DRC12: variants seen among roughly 807,000 people sequenced by gnomAD.
DRC12 encodes the protein dynein regulatory complex protein 12.
the DRC12 span, chr11:119,193,363 C>A: frequency 1.1e-6 from 1 of 893,420 alleles, no homozygotes; most frequent in Non-Finnish European, 1.7e-6. Context: ...GCACAAAGGC[C>A]TTCTTGGTTC....
At chr11:119,195,512 G>A in the DRC12 span, 46 of 1,538,188 alleles carry the variant, frequency 3.0e-5, no homozygotes, top group African/African-American at 5.5e-4. Flanking sequence ...GGGAGAAGGA[G>A]GGGACCTTAT....
At chr11:119,194,499 GCA>G in the DRC12 span, among the ~76,000 whole-genome samples, 2 of 96,342 alleles carry the variant, frequency 2.1e-5, no homozygotes, top group African/African-American at 8.4e-5. Context: ...GGGCGACAGA[GCA>G]CAAGACTCTG....
At chr11:119,195,030 G>T in the DRC12 span, 59 of 1,515,474 alleles carry the variant, frequency 3.9e-5, no homozygotes, top group East Asian at 1.4e-3. Flanking sequence ...AGCTCTTCAT[G>T]ATCTCAGCAT....
the DRC12 span, chr11:119,195,095 C>T: frequency 1.1e-6 from 1 of 951,460 alleles, no homozygotes; most frequent in East Asian, 2.6e-5. Context: ...CACAGCAGAC[C>T]TGAGGACCAC....
the DRC12 span, chr11:119,193,295 G>T: frequency 6.8e-7 from 1 of 1,478,214 alleles, no homozygotes; most frequent in Non-Finnish European, 9.4e-7. Context: ...ATGGAGGGAT[G>T]GAGAAAGGAA....
At chr11:119,195,599 C>T in the DRC12 span, 2 of 823,660 alleles carry the variant, frequency 2.4e-6, no homozygotes, top group African/African-American at 1.7e-5. Context: ...AAATTTGTCT[C>T]TCATATCCTT....
chr11:119,193,646 C>A, the DRC12 span: 1 of 1,485,734 alleles, frequency 6.7e-7, no homozygotes, highest in South Asian at 1.4e-5. Context: ...TTGGGAAAGA[C>A]CAAGACCAGG....
chr11:119,193,699 A>G, the DRC12 span: 1,481 of 1,537,934 alleles, frequency 9.6e-4, 10 homozygotes, highest in South Asian at 7.0e-3. Context: ...CCTTGCATCA[A>G]CTGACCCTGT....
chr11:119,192,967 A>C, the DRC12 span, among the ~76,000 whole-genome samples: 1 of 152,044 alleles, frequency 6.6e-6, no homozygotes, highest in Non-Finnish European at 1.5e-5. Context: ...CTTACAGCAG[A>C]GATTTTTGGT....
At chr11:119,195,834 C>T in the DRC12 span, 7 of 211,232 alleles carry the variant, frequency 3.3e-5, no homozygotes, top group South Asian at 3.1e-4. Flanking sequence ...TGGGGCTCCC[C>T]GTGGAGTGAC....
chr11:119,193,732 T>C, the DRC12 span: 29 of 1,543,570 alleles, frequency 1.9e-5, no homozygotes, highest in Non-Finnish European at 2.4e-5. Context: ...TCCAAGCCCC[T>C]GTCTCCTGCC....
At chr11:119,193,058 C>T in the DRC12 span, 1 of 1,130,256 alleles carries the variant, frequency 8.8e-7, no homozygotes. Flanking sequence ...CAGACGGCAG[C>T]TTTCTGGAGC....
At chr11:119,194,542 A>AAAATAAAT in the DRC12 span, among the ~76,000 whole-genome samples, 1,648 of 48,080 alleles carry the variant, frequency 0.034, 25 homozygotes, top group African/African-American at 0.041. Flanking sequence ...AAAAAAAAAA[A>AAAATAAAT]AAATAAATAA....
At chr11:119,190,970 G>A in the DRC12 span, 2,879 of 1,101,000 alleles carry the variant, frequency 2.6e-3, 8 homozygotes, top group Non-Finnish European at 3.4e-3. The surrounding 1 kb of genome is among the most constrained non-coding windows in gnomAD (Gnocchi z 4.2). Flanking sequence ...CAAATTTCCC[G>A]CAGTCCCTGT....
At chr11:119,192,191 G>C in the DRC12 span, among the ~76,000 whole-genome samples, 1 of 152,094 alleles carries the variant, frequency 6.6e-6, no homozygotes, top group Non-Finnish European at 1.5e-5. Flanking sequence ...GGCCAGGCTG[G>C]TCTCAAACTC....
At chr11:119,195,295 A>T in the DRC12 span, 1 of 827,218 alleles carries the variant, frequency 1.2e-6, no homozygotes, top group African/African-American at 1.7e-5. Context: ...CTGTGAGGAC[A>T]TGAAAGAGGT....
chr11:119,193,057 G>T, the DRC12 span: 6 of 1,115,064 alleles, frequency 5.4e-6, no homozygotes, highest in Non-Finnish European at 8.2e-6. Flanking sequence ...CCAGACGGCA[G>T]CTTTCTGGAG....
At chr11:119,193,356 CA>C in the DRC12 span, 1 of 934,274 alleles carries the variant, frequency 1.1e-6, no homozygotes, top group Non-Finnish European at 1.7e-6. Flanking sequence ...AACAGGAGCA[CA>C]AAGGCCTTCT....
chr11:119,191,770 G>C, the DRC12 span, among the ~76,000 whole-genome samples: 4 of 151,888 alleles, frequency 2.6e-5, no homozygotes, highest in Non-Finnish European at 5.9e-5. Context: ...ATTTGCCATT[G>C]CACTCCAGAA....
Sources: allele counts gnomAD v4.1 joint callset (sites outside exome capture counted in the v4.1 genomes callset), GRCh38; gene constraint gnomAD v4.1.1; non-coding constraint Gnocchi (gnomAD v3.1); transcripts MANE v1.5; gene names NCBI Gene and HGNC (gene_info 2026-07-23, HGNC 2026-07-21).